The following DSC2 variants were observed in gnomAD, a reference collection of about 807,000 sequenced individuals.
DSC2 encodes the protein desmocollin 2, also known as desmocollin-2.
DSC2 carries 51 observed loss-of-function variants against 87.6 expected under a neutral mutation model. The ratio of observed to expected loss-of-function variants is 0.58; its 90% CI spans 0.46 to 0.74. The LOEUF is 0.74. Among genes scored for constraint, DSC2 ranks in the 30% least tolerant of loss-of-function variants. The pLI, the probability that DSC2 is intolerant of heterozygous loss-of-function variation, is 0.00. For synonymous variants in DSC2, 383 were observed against 393.2 expected (o/e 0.97, Z 0.31); for missense variants, 1,066 against 1,089.5 (o/e 0.98, Z 0.30).
chr18:31,082,235 T>A lies in DSC2; in HGVS notation c.1263+3A>T, dbSNP rs1353131977. 1.2e-6 allele frequency: 2 copies of A among 1,611,812 alleles called. No homozygotes were observed. Among genetic ancestry groups the A allele is most frequent in the Non-Finnish European group, 1.7e-6 (2 of 1,178,734 alleles). On this transcript the variant is annotated splice_donor_region_variant and intron_variant, in intron 9 of 15. Transcript: ENST00000280904. ...TACAAATAATGTTCTAATTTATTCTTACCTTAACTACACAAAGAACTCCTT... is the reference window on the plus strand; with the variant it reads ...TACAAATAATGTTCTAATTTATTCTAACCTTAACTACACAAAGAACTCCTT...
rs1444089400 is a variant in DSC2 at position 31,080,087 on chromosome 18, G to A, written c.1520+9C>T. 2 of 1,613,734 alleles carry A rather than the reference G, an allele frequency of 1.2e-6. No individual in the cohort carries two copies. The highest frequency in any genetic ancestry group is 1.7e-6 in the Non-Finnish European group (2 of 1,179,974). ...ATATATTTTAAAACTAAAATAGAAT[G>A]GTAAGTACCTTATGCCACTGCTACT... is the stretch of plus-strand genomic sequence containing the variant. On this transcript the variant is annotated intron_variant, in intron 10 of 15. Coordinates refer to ENST00000280904, the MANE Select transcript of DSC2 (RefSeq NM_024422.6).
chr18:31,101,891 G>A lies in DSC2; in HGVS notation c.69+12C>T. On this transcript the variant is annotated intron_variant, in intron 1 of 15. Coordinates refer to ENST00000280904, the MANE Select transcript of DSC2 (RefSeq NM_024422.6). ...CCCCCTTCCCCGGAGCGGTGGCCGC[G>A]GCTACACTCACCGCGAGGGTCAGCA... The A allele has an allele frequency of 6.5e-7, 1 of 1,531,380 alleles. No homozygotes were observed. The highest frequency in any genetic ancestry group is 8.7e-7 in the Non-Finnish European group (1 of 1,144,154). 94.9% of individuals were successfully genotyped at this position (1,531,380 alleles called of 1,614,324 possible).
At position 31,067,989 on chromosome 18, in the gene DSC2, G is replaced by C. The variant is rs757063286; in HGVS notation, c.*26C>G. On this transcript the variant is annotated 3_prime_UTR_variant, in exon 16 of 16. Coordinates refer to ENST00000280904, the MANE Select transcript of DSC2 (RefSeq NM_024422.6). The stretch of plus-strand genomic sequence containing the variant: ...TTTTTTAAAAGTCATAAAGCCACTG[G>C]CTTTCAGAGACTTATTAGAACACAC... The C allele has an allele frequency of 3.1e-6, 5 of 1,609,638 alleles. No individual in the cohort carries two copies. The South Asian group carries it at 4.4e-5, about 14-fold the overall frequency.
In DSC2 at chr18:31,091,270, G is replaced by A. The variant is rs1987589432; in HGVS notation, c.355-123C>T. On this transcript the variant is annotated intron_variant, in intron 3 of 15. Transcript: ENST00000280904. ...TGGGTAGGGGTGAGACCATGGGAGTGCTTGAAAACCAAACTAATCATCAAC... is the reference window on the plus strand; with the variant it reads ...TGGGTAGGGGTGAGACCATGGGAGTACTTGAAAACCAAACTAATCATCAAC... 2.6e-6 allele frequency: 3 copies of A among 1,175,598 alleles called. No individual in the cohort carries two copies. The Admixed American group carries it at 6.2e-5, about 24-fold the overall frequency. The allele number at this position is 1,175,598 out of a possible 1,614,324, so 72.8% of individuals were successfully genotyped here. A position where few individuals can be genotyped will look rare whatever the true frequency, so the allele number is the denominator to read the frequency against.
chr18:31,061,096 C>G lies in DSC2; in HGVS notation c.*6919G>C, dbSNP rs1986492382. ...ACTTTTCCCCTACTAGCCTGTTACT[C>G]CTGTGACTGATTCATGAGGGATCTC... On this transcript the variant is annotated 3_prime_UTR_variant, in exon 16 of 16. Coordinates refer to ENST00000280904, the MANE Select transcript of DSC2 (RefSeq NM_024422.6). 1 of 152,200 alleles carries G rather than the reference C, an allele frequency of 6.6e-6. No individual in the cohort carries two copies. Among genetic ancestry groups the G allele is most frequent in the African/African-American group, 2.4e-5 (1 of 41,450 alleles). The allele number at this position is 152,200 out of a possible 1,614,324, so 9.4% of individuals were successfully genotyped here.
chr18:31,099,550 A>G (rs759368755), intron 1 of DSC2, among the ~76,000 whole-genome samples: 37 of 151,958 alleles, frequency 2.4e-4, no homozygotes, highest in African/African-American at 7.7e-4. Context: ...GAAAAAGACA[A>G]GACGCTAGGT....
Position 31,068,069 on chromosome 18 carries a change from C to T in DSC2, c.2652G>A (p.Leu884=), listed in dbSNP as rs772383322. The part of the protein sequence containing the change: ...ERQEEDGLEF[L]DNLEPKFRTL... The stretch of plus-strand genomic sequence containing the variant: ...TCCTAAATTTGGGCTCCAAATTATC[C>T]AAAAATTCAAGCCCATCTTCTTCTT... The change falls in exon 16 of 16, where the codon TTG becomes TTA. Residue 884 remains leucine, a synonymous_variant. Coordinates refer to ENST00000280904, the MANE Select transcript of DSC2 (RefSeq NM_024422.6). The T allele has an allele frequency of 1.2e-6, 2 of 1,613,876 alleles. No homozygotes were observed. The highest frequency in any genetic ancestry group is 1.7e-6 in the Non-Finnish European group (2 of 1,179,958).
intron 1 of DSC2, chr18:31,101,588 G>A: frequency 3.0e-6 from 1 of 336,782 alleles, no homozygotes; most frequent in Non-Finnish European, 5.4e-6. Flanking sequence ...CCGCCCCGGC[G>A]CACCCTGCTC....
At chr18:31,098,580 AAGTAG>A (rs149244854) in intron 1 of DSC2, among the ~76,000 whole-genome samples, 2,743 of 152,024 alleles carry the variant, frequency 0.018, 83 homozygotes, top group African/African-American at 0.063. Context: ...TCAGCCTCCC[AAGTAG>A]ATGGGATTAT....
intron 1 of DSC2, 158 bp downstream of exon 1, chr18:31,101,745 G>GC: frequency 2.9e-6 from 2 of 698,250 alleles, no homozygotes; most frequent in South Asian, 1.8e-5. Context: ...CTTCCTATCT[G>GC]CCCTCCCCCA....
intron 6 of DSC2, 98 bp downstream of exon 6, chr18:31,087,571 G>T: frequency 1.0e-5 from 14 of 1,361,216 alleles, no homozygotes; most frequent in Non-Finnish European, 1.0e-5. Context: ...CCTTATTCTT[G>T]CTGCTGGGAT....
intron 1 of DSC2, chr18:31,101,081 G>T: frequency 1.8e-6 from 1 of 556,100 alleles, no homozygotes; most frequent in Non-Finnish European, 2.3e-6. Flanking sequence ...AAGGGGCGGT[G>T]GCGCGGGGGG....
Position 31,067,737 on chromosome 18 carries a change from G to C in DSC2, c.*278C>G. 2.7e-6 allele frequency: 1 copy of C among 373,608 alleles called. No individual in the cohort carries two copies. The highest frequency in any genetic ancestry group is 4.9e-6 in the Non-Finnish European group (1 of 203,578). 23.1% of individuals were successfully genotyped at this position (373,608 alleles called of 1,614,324 possible). A position where few individuals can be genotyped will look rare whatever the true frequency, so the allele number is the denominator to read the frequency against. On this transcript the variant is annotated 3_prime_UTR_variant, in exon 16 of 16. Coordinates refer to ENST00000280904, the MANE Select transcript of DSC2 (RefSeq NM_024422.6). ...TTTATTGCACTATAAATTGGCTGTT[G>C]TCATTATACCCAAATGTAACAAATA...
chr18:31,091,607 A>C (rs2144844864), intron 3 of DSC2: 1 of 458,668 alleles, frequency 2.2e-6, no homozygotes, highest in East Asian at 6.9e-5. Context: ...GACAACTCTC[A>C]AACTGCTGCA....
intron 1 of DSC2, chr18:31,101,499 C>G (rs969213455): frequency 2.3e-3 from 160 of 69,434 alleles, no homozygotes; most frequent in African/African-American, 0.021. Flanking sequence ...GGGAAGGTGC[C>G]AGAGGCCAGC....
At chr18:31,093,795 C>T (rs1209417030) in intron 1 of DSC2, 152 bp from the exon 2 acceptor site, 2 of 198,476 alleles carry the variant, frequency 1.0e-5, no homozygotes, top group African/African-American at 4.8e-5. Context: ...ATATTGACTA[C>T]ACTAAATATT....
At chr18:31,093,341 C>T (rs953957920) in intron 2 of DSC2, among the ~76,000 whole-genome samples, 1 of 152,182 alleles carries the variant, frequency 6.6e-6, no homozygotes. Context: ...CACTCTGTGC[C>T]TACATGTTCA....
chr18:31,092,023 G>A, intron 3 of DSC2, 78 bp downstream of exon 3: 4 of 1,455,920 alleles, frequency 2.7e-6, no homozygotes, highest in Non-Finnish European at 3.8e-6. Context: ...TATCCTTTCT[G>A]ATTTCATATC....
At chr18:31,094,514 T>C (rs1236243249) in intron 1 of DSC2, among the ~76,000 whole-genome samples, 2 of 152,242 alleles carry the variant, frequency 1.3e-5, no homozygotes, top group East Asian at 1.9e-4. Flanking sequence ...AATTTAATTT[T>C]GTTCTGTCTG....
Sources: allele counts gnomAD v4.1 joint callset (sites outside exome capture counted in the v4.1 genomes callset), GRCh38; gene constraint gnomAD v4.1.1; transcripts MANE v1.5; gene names NCBI Gene and HGNC (gene_info 2026-07-23, HGNC 2026-07-21).